Variants in CELSR1 observed in about 807,000 individuals in gnomAD.
The protein encoded by CELSR1 is adhesion G protein-coupled receptor C1.
CELSR1 carries 110 observed loss-of-function variants against 249.1 expected under a neutral mutation model. The observed-to-expected ratio is 0.44, with a 90% CI of 0.38 to 0.52. The LOEUF (loss-of-function observed/expected upper bound fraction) is 0.52. CELSR1 is among the 20% of genes least tolerant of loss of function. The probability of loss-of-function intolerance (pLI) is 0.00; values close to 1 mark genes in which losing one functional copy is unlikely to be tolerated. For missense variants in CELSR1, 4,109 were observed against 4,296.4 expected (o/e 0.96, Z 1.22); for synonymous variants, 2,113 against 1,900.0 (o/e 1.11, Z -2.92).
At chr22:46,439,081 C>T (rs2079703963) in intron 3 of CELSR1, 108 bp downstream of exon 3, 1 of 1,091,770 alleles carries the variant, frequency 9.2e-7, no homozygotes, top group Non-Finnish European at 1.3e-6. Flanking sequence ...CTATCAAAGG[C>T]CACACACGGA....
At position 46,490,739 on chromosome 22, in the gene CELSR1, G is replaced by A. The variant is rs1430734986; in HGVS notation, c.3545-26394C>T. Reference sequence around the variant, plus strand: ...AAAATCTACAAAACCAACTCCTGCAGCCACCACAGGGTGCAGAGTGAGTTT... The same window carrying A: ...AAAATCTACAAAACCAACTCCTGCAACCACCACAGGGTGCAGAGTGAGTTT... On this transcript the variant is annotated intron_variant, in intron 1 of 34. Transcript: ENST00000674500. This position sits in a 1 kb window ranked among gnomAD's most constrained non-coding sequence, Gnocchi z 5.2. Among the ~76,000 whole-genome samples, 1 of 152,146 alleles carries A rather than the reference G, an allele frequency of 6.6e-6. No individual in the cohort carries two copies. Among genetic ancestry groups the A allele is most frequent in the Non-Finnish European group, 1.5e-5 (1 of 68,034 alleles).
intron 25 of CELSR1, among the ~76,000 whole-genome samples, 187 bp downstream of exon 25, chr22:46,372,696 G>A (rs139149346): frequency 5.3e-4 from 80 of 152,220 alleles, no homozygotes; most frequent in African/African-American, 1.7e-3. Context: ...CACAGAAGAC[G>A]TCGCCCCAGG....
intron 2 of CELSR1, among the ~76,000 whole-genome samples, chr22:46,458,303 C>T (rs997353783): frequency 2.0e-5 from 3 of 152,152 alleles, no homozygotes; most frequent in Admixed American, 6.5e-5. Flanking sequence ...GAGCACCGGT[C>T]ACCCCAGGAA....
intron 18 of CELSR1, among the ~76,000 whole-genome samples, chr22:46,387,724 G>A (rs2079047324): frequency 6.6e-6 from 1 of 152,278 alleles, no homozygotes; most frequent in African/African-American, 2.4e-5. Flanking sequence ...CAGAGAGACT[G>A]TGGGTGATTC....
intron 26 of CELSR1, 60 bp from the exon 27 acceptor site, chr22:46,369,318 C>A: frequency 7.0e-7 from 1 of 1,432,110 alleles, no homozygotes; most frequent in South Asian, 1.2e-5. Context: ...CTCCAACTGC[C>A]AAAAGCGCCT....
At chr22:46,372,043 C>T (rs1299962818) in intron 25 of CELSR1, among the ~76,000 whole-genome samples, 2 of 150,618 alleles carry the variant, frequency 1.3e-5, no homozygotes, top group African/African-American at 4.9e-5. Context: ...GTCTCTCCAT[C>T]CCTATATCCA....
At chr22:46,475,196 G>A (rs2080195561) in intron 1 of CELSR1, among the ~76,000 whole-genome samples, 1 of 151,986 alleles carries the variant, frequency 6.6e-6, no homozygotes, top group African/African-American at 2.4e-5. Flanking sequence ...CACATCCCCA[G>A]GCCCTCAGCA....
In CELSR1 at chr22:46,408,304, A is replaced by G. The variant is rs1168956838; in HGVS notation, c.5226+692T>C. The stretch of plus-strand genomic sequence containing the variant: ...TGAGGCATCTCAAGCTCCCAGAGAA[A>G]GTGGACGTGCATTGGTGCCAACCAC... On this transcript the variant is annotated intron_variant, in intron 9 of 34. Coordinates refer to ENST00000674500, the MANE Select transcript of CELSR1 (RefSeq NM_001378328.1). This position sits in a 1 kb window ranked among gnomAD's most constrained non-coding sequence, Gnocchi z 4.6. Among the ~76,000 whole-genome samples, 1 of 152,232 alleles carries G rather than the reference A, an allele frequency of 6.6e-6. No individual in the cohort carries two copies. Among genetic ancestry groups the G allele is most frequent in the African/African-American group, 2.4e-5 (1 of 41,470 alleles).
intron 26 of CELSR1, 122 bp from the exon 27 acceptor site, chr22:46,369,380 C>T (rs2078825524): frequency 1.2e-6 from 1 of 827,930 alleles, no homozygotes; most frequent in African/African-American, 1.7e-5. Flanking sequence ...GGACCCGAAC[C>T]CTGGCCTGTG....
chr22:46,377,274 G>C lies in CELSR1; in HGVS notation c.7384-13C>G, dbSNP rs745317688. The C allele has an allele frequency of 6.2e-7, 1 of 1,613,234 alleles. No homozygotes were observed. Among genetic ancestry groups the C allele is most frequent in the Non-Finnish European group, 8.5e-7 (1 of 1,179,668 alleles). On this transcript the variant is annotated splice_polypyrimidine_tract_variant and intron_variant, in intron 23 of 34. Transcript: ENST00000674500. ...GGACCTCCCCGTTCTATGGGCAGGA[G>C]GGTTAAAGGCAGGAGAGAAGGTAAG...
intron 2 of CELSR1, among the ~76,000 whole-genome samples, chr22:46,455,353 C>A (rs1015352012): frequency 6.6e-6 from 1 of 152,172 alleles, no homozygotes; most frequent in Non-Finnish European, 1.5e-5. Context: ...CCTCAGTCTC[C>A]CAAGTAGCTG....
Position 46,362,919 on chromosome 22 carries a change from A to T in CELSR1, c.*304T>A. On this transcript the variant is annotated 3_prime_UTR_variant, in exon 35 of 35. Coordinates refer to ENST00000674500, the MANE Select transcript of CELSR1 (RefSeq NM_001378328.1). ...GGGTCCCCTCTCAGTTCTGGCTTTGACTGCAGTCTTAGGACTCAGCGGTGC... is the reference window on the plus strand; with the variant it reads ...GGGTCCCCTCTCAGTTCTGGCTTTGTCTGCAGTCTTAGGACTCAGCGGTGC... 2.0e-6 allele frequency: 1 copy of T among 510,540 alleles called. No individual in the cohort carries two copies. The highest frequency in any genetic ancestry group is 3.5e-6 in the Non-Finnish European group (1 of 286,400). The allele number at this position is 510,540 out of a possible 1,614,324, so 31.6% of individuals were successfully genotyped here.
In CELSR1 at chr22:46,518,032, A is replaced by G. The variant is rs537354128; in HGVS notation, c.3544+15595T>C. ...ATTCTCCTGCCTCAGCCTCCCAAGT[A>G]GCTGGGATTACAGTCATGTGCCACC... On this transcript the variant is annotated intron_variant, in intron 1 of 34. Coordinates refer to ENST00000674500, the MANE Select transcript of CELSR1 (RefSeq NM_001378328.1). This position sits in a 1 kb window ranked among gnomAD's most constrained non-coding sequence, Gnocchi z 5.2. Among the ~76,000 whole-genome samples, 1 of 151,776 alleles carries G rather than the reference A, an allele frequency of 6.6e-6. No homozygotes were observed. Among genetic ancestry groups the G allele is most frequent in the Admixed American group, 6.6e-5 (1 of 15,230 alleles).
At position 46,533,725 on chromosome 22, in the gene CELSR1, C is replaced by A; in HGVS notation, c.3446G>T (p.Arg1149Leu). Residue 1149 changes from arginine (R) to leucine (L), a missense_variant, in exon 1 of 35, where the codon CGC (arginine) becomes CTC (leucine). Coordinates refer to ENST00000674500, the MANE Select transcript of CELSR1 (RefSeq NM_001378328.1). ...CGTGGCGGGGTCCAGCAGCAACAGG[C>A]GCAGCTCGTTGCCCTGCACGAAGGT... ...NYTFVQGNELRLLLLDPATGE... is the reference protein window; with the variant it reads ...NYTFVQGNELLLLLLDPATGE... 1 of 1,613,006 alleles carries A rather than the reference C, an allele frequency of 6.2e-7. No individual in the cohort carries two copies. Among genetic ancestry groups the A allele is most frequent in the Non-Finnish European group, 8.5e-7 (1 of 1,180,004 alleles).
rs908359895 is a variant in CELSR1, at chr22:46,433,919, G to C, written c.4523-438C>G. On this transcript the variant is annotated intron_variant, in intron 4 of 34. Coordinates refer to ENST00000674500, the MANE Select transcript of CELSR1 (RefSeq NM_001378328.1). This position sits in a 1 kb window ranked among gnomAD's most constrained non-coding sequence, Gnocchi z 5.7. The stretch of plus-strand genomic sequence containing the variant: ...AGTCTAGTCTCGAACTCCTGACCTC[G>C]TGATCTGCCTGCCTTGGCCTCCCAA... Among the ~76,000 whole-genome samples the C allele has an allele frequency of 6.6e-6, 1 of 152,100 alleles. No individual in the cohort carries two copies.
chr22:46,380,660 G>A lies in CELSR1; in HGVS notation c.7256+128C>T. ...CAGGAGGCTCACTGCCCCCACGGGG[G>A]ACTTAAAGGGGAAACACAGACCACA... On this transcript the variant is annotated intron_variant, in intron 22 of 34. Transcript: ENST00000674500. This position sits in a 1 kb window ranked among gnomAD's most constrained non-coding sequence, Gnocchi z 5.1. 9.3e-7 allele frequency: 1 copy of A among 1,077,698 alleles called. No homozygotes were observed. The highest frequency in any genetic ancestry group is 1.5e-5 in the South Asian group (1 of 65,894). 66.8% of individuals were successfully genotyped at this position (1,077,698 alleles called of 1,614,324 possible). A position where few individuals can be genotyped will look rare whatever the true frequency, so the allele number is the denominator to read the frequency against.
chr22:46,534,056 C>T lies in CELSR1; in HGVS notation c.3115G>A (p.Val1039Met), dbSNP rs2080821866. 1 of 1,613,768 alleles carries T rather than the reference C, an allele frequency of 6.2e-7. No individual in the cohort carries two copies. The highest frequency in any genetic ancestry group is 1.3e-5 in the African/African-American group (1 of 75,066). Residue 1039 changes from valine to methionine, a missense_variant, in exon 1 of 35, where the codon GTG (valine) becomes ATG (methionine). By Grantham distance (21) the Val-to-Met change is conservative. Transcript: ENST00000674500. This position sits in a 1 kb window ranked among gnomAD's most constrained non-coding sequence, Gnocchi z 9.7. ...AAGAAATGCCGCATGTCCCCTTCCA[C>T]AATCTGATACATGATCTGGGCATTA... is the stretch of plus-strand genomic sequence containing the variant. ...GPNAQIMYQI[V>M]EGDMRHFFQL... is the part of the protein sequence containing the mutation.
In CELSR1 at chr22:46,445,212, G is replaced by A. The variant is rs927241261; in HGVS notation, c.4184-5801C>T. 6.6e-6 allele frequency among the ~76,000 whole-genome samples: 1 copy of A among 151,830 alleles called. No homozygotes were observed. Among genetic ancestry groups the A allele is most frequent in the Non-Finnish European group, 1.5e-5 (1 of 67,988 alleles). The stretch of plus-strand genomic sequence containing the variant: ...ACTCCACCTCAAAAATAAAAAATAA[G>A]GCTGGGTGTAGTGGCTCAGGCCTGT... On this transcript the variant is annotated intron_variant, in intron 2 of 34. Coordinates refer to ENST00000674500, the MANE Select transcript of CELSR1 (RefSeq NM_001378328.1). This position sits in a 1 kb window ranked among gnomAD's most constrained non-coding sequence, Gnocchi z 4.4.
chr22:46,500,515 A>G lies in CELSR1; in HGVS notation c.3544+33112T>C, dbSNP rs999694643. 1.3e-5 allele frequency among the ~76,000 whole-genome samples: 2 copies of G among 152,122 alleles called. No homozygotes were observed. The highest frequency in any genetic ancestry group is 4.8e-5 in the African/African-American group (2 of 41,406). On this transcript the variant is annotated intron_variant, in intron 1 of 34. Coordinates refer to ENST00000674500, the MANE Select transcript of CELSR1 (RefSeq NM_001378328.1). The surrounding 1 kb of genome is among the most constrained non-coding windows in gnomAD (Gnocchi z 4.9). ...ACTGGGGTGTGCTGAATGGGCTCTG[A>G]GCACAAAGGCCACTGGGAGCTCTGG...
Sources: gnomAD v4.1 joint callset for allele counts (sites outside exome capture counted in the v4.1 genomes callset) on GRCh38, gnomAD v4.1.1 for gene constraint, Gnocchi (gnomAD v3.1) non-coding constraint, MANE v1.5 for transcripts, NCBI Gene and HGNC (gene_info 2026-07-23, HGNC 2026-07-21) for gene names.